Variants in CELF2 observed in about 807,000 individuals in gnomAD.
The protein encoded by CELF2 is CUG triplet repeat RNA-binding protein 2.
In CELF2, 8 loss-of-function variants were observed where a neutral mutation model predicts 62.6. The ratio of observed to expected loss-of-function variants is 0.13; its 90% CI spans 0.07 to 0.23. CELF2 has a LOEUF of 0.23. CELF2 is among the 10% of genes least tolerant of loss of function. CELF2 has a pLI of 1.00. For missense variants in CELF2, 333 were observed against 671.0 expected, an observed-to-expected ratio of 0.50 and a Z score of 5.56; for synonymous variants, 258 against 250.0, an observed-to-expected ratio of 1.03 and a Z score of -0.30.
chr10:10,882,087 A>G (rs762570346), intron 1 of CELF2, among the ~76,000 whole-genome samples: 1 of 152,130 alleles, frequency 6.6e-6, no homozygotes, highest in Non-Finnish European at 1.5e-5. Context: ...TCGTTACCAT[A>G]TCCATTTATT....
chr10:11,257,407 C>G lies in CELF2; in HGVS notation c.404-331C>G, dbSNP rs190301372. Among the ~76,000 whole-genome samples, 6 of 147,688 alleles carry G rather than the reference C, an allele frequency of 4.1e-5. No individual in the cohort carries two copies. The East Asian group carries it at 1.2e-3, about 30-fold the overall frequency. On this transcript the variant is annotated intron_variant, in intron 4 of 12. Transcript: ENST00000633077. ...ATCCCCAGAGAATGGTAGTGTTGAACAGTTATACAAGTACTTTGGAATTTT... is the reference window on the plus strand; with the variant it reads ...ATCCCCAGAGAATGGTAGTGTTGAAGAGTTATACAAGTACTTTGGAATTTT...
At chr10:10,708,471 A>AT in the CELF2 span, among the ~76,000 whole-genome samples, 1 of 152,200 alleles carries the variant, frequency 6.6e-6, no homozygotes, top group Non-Finnish European at 1.5e-5. Context: ...AAAGCAAAAA[A>AT]CCAGCTTGGC....
chr10:10,862,580 C>G (rs2060108214), intron 1 of CELF2, among the ~76,000 whole-genome samples: 1 of 152,166 alleles, frequency 6.6e-6, no homozygotes, highest in Admixed American at 6.5e-5. Context: ...AGAAGTTATT[C>G]AACATCACTT....
At chr10:10,468,797 T>C in the CELF2 span, among the ~76,000 whole-genome samples, 1 of 152,044 alleles carries the variant, frequency 6.6e-6, no homozygotes, top group Non-Finnish European at 1.5e-5. Context: ...TGTGGGTAAC[T>C]ATCCCCATAA....
chr10:10,812,437 C>T (rs765841341), intron 1 of CELF2, among the ~76,000 whole-genome samples: 10 of 152,162 alleles, frequency 6.6e-5, no homozygotes, highest in Non-Finnish European at 1.3e-4. Context: ...AACCATATCA[C>T]CACCACTCTC....
intron 1 of CELF2, among the ~76,000 whole-genome samples, chr10:11,103,216 C>T (rs2052294722): frequency 6.6e-6 from 1 of 152,156 alleles, no homozygotes; most frequent in Admixed American, 6.5e-5. Context: ...TTTGCCAGAG[C>T]CAACCCCACA....
intron 12 of CELF2, among the ~76,000 whole-genome samples, chr10:11,326,404 C>T (rs1473887334): frequency 6.6e-6 from 1 of 152,226 alleles, no homozygotes; most frequent in Non-Finnish European, 1.5e-5. Context: ...CTTGCGTGAT[C>T]GCAGCTCCAC....
intron 1 of CELF2, among the ~76,000 whole-genome samples, chr10:11,142,648 C>T (rs373791801): frequency 2.2e-5 from 3 of 138,800 alleles, no homozygotes; most frequent in South Asian, 2.3e-4. Context: ...CATGCCACTG[C>T]GGTCCAGCCT....
the CELF2 span, among the ~76,000 whole-genome samples, chr10:10,782,331 G>A: frequency 1.1e-4 from 17 of 152,288 alleles, no homozygotes; most frequent in South Asian, 1.2e-3. Context: ...CGTATAAATC[G>A]CAGTGTGTGG....
intron 2 of CELF2, among the ~76,000 whole-genome samples, chr10:10,932,241 G>A (rs889991576): frequency 2.6e-5 from 4 of 152,268 alleles, no homozygotes; most frequent in African/African-American, 9.6e-5. Context: ...AGTAGCATGG[G>A]GGCTGGACAA....
intron 2 of CELF2, among the ~76,000 whole-genome samples, chr10:10,939,178 G>A (rs376121657): frequency 0.01 from 880 of 87,408 alleles, 44 homozygotes; most frequent in South Asian, 0.043. Context: ...CACCTAGGCT[G>A]TAGTGCTTGA....
chr10:10,486,918 T>C, the CELF2 span, among the ~76,000 whole-genome samples: 3 of 152,156 alleles, frequency 2.0e-5, no homozygotes, highest in African/African-American at 7.2e-5. Flanking sequence ...GGAATTACTA[T>C]AAAAAGCTCA....
intron 1 of CELF2, among the ~76,000 whole-genome samples, chr10:10,890,905 C>T (rs1217437927): frequency 6.6e-6 from 1 of 152,124 alleles, no homozygotes; most frequent in Non-Finnish European, 1.5e-5. Context: ...ATTCCAGCTA[C>T]TCGGGAGGCT....
At chr10:10,635,936 C>T in the CELF2 span, among the ~76,000 whole-genome samples, 8 of 152,302 alleles carry the variant, frequency 5.3e-5, no homozygotes, top group African/African-American at 1.4e-4. Context: ...ATGCCTGTTA[C>T]CCATTTACAA....
chr10:10,566,204 CA>C, the CELF2 span, among the ~76,000 whole-genome samples: 1 of 151,900 alleles, frequency 6.6e-6, no homozygotes, highest in Admixed American at 6.6e-5. Context: ...AAGAAGGCTC[CA>C]GGGAAAATGT....
chr10:10,637,166 G>C, the CELF2 span, among the ~76,000 whole-genome samples: 1 of 152,064 alleles, frequency 6.6e-6, no homozygotes, highest in Non-Finnish European at 1.5e-5. Flanking sequence ...AATCGACTCT[G>C]GTACATTATT....
chr10:10,466,437 T>A, the CELF2 span, among the ~76,000 whole-genome samples: 1 of 152,176 alleles, frequency 6.6e-6, no homozygotes, highest in Non-Finnish European at 1.5e-5. Flanking sequence ...AGCAATAGTT[T>A]GTTCATCTGT....
the CELF2 span, among the ~76,000 whole-genome samples, chr10:10,549,579 C>T: frequency 1.3e-4 from 20 of 152,322 alleles, no homozygotes; most frequent in African/African-American, 4.1e-4. Flanking sequence ...CCACTGCGCC[C>T]GGCCCCAGTT....
At chr10:11,085,408 G>A (rs1324068238) in intron 1 of CELF2, among the ~76,000 whole-genome samples, 1 of 152,176 alleles carries the variant, frequency 6.6e-6, no homozygotes, top group Non-Finnish European at 1.5e-5. Context: ...TTGAGCCCGT[G>A]TATTAGAACA....
Sources: gnomAD v4.1 joint callset for allele counts (sites outside exome capture counted in the v4.1 genomes callset) on GRCh38, gnomAD v4.1.1 for gene constraint, MANE v1.5 for transcripts, NCBI Gene and HGNC (gene_info 2026-07-23, HGNC 2026-07-21) for gene names.